The following PRICKLE2 variants were observed in gnomAD, a reference collection of about 807,000 sequenced individuals.
The protein encoded by PRICKLE2 is prickle planar cell polarity protein 2.
A neutral mutation model predicts 81.4 loss-of-function variants in PRICKLE2; 21 were observed. The observed-to-expected ratio is 0.26, with a 90% CI of 0.18 to 0.37. The LOEUF (loss-of-function observed/expected upper bound fraction) is 0.37. PRICKLE2 is among the 10% of genes least tolerant of loss of function. The pLI, the probability that PRICKLE2 is intolerant of heterozygous loss-of-function variation, is 1.00. For synonymous variants in PRICKLE2, 456 were observed against 421.5 expected (o/e 1.08, Z -1.00); for missense variants, 940 against 1,109.0 (o/e 0.85, Z 2.16).
At chr3:64,155,518 C>T (rs2077620584) in intron 5 of PRICKLE2, among the ~76,000 whole-genome samples, 1 of 151,998 alleles carries the variant, frequency 6.6e-6, no homozygotes, top group Non-Finnish European at 1.5e-5. Flanking sequence ...ATCATATGAC[C>T]CAGCAATTCC....
intron 7 of PRICKLE2, among the ~76,000 whole-genome samples, chr3:64,108,800 GA>G (rs1182383038): frequency 1.3e-5 from 2 of 152,262 alleles, no homozygotes; most frequent in African/African-American, 4.8e-5. Flanking sequence ...CACACTCTCA[GA>G]GACTCTAATT....
chr3:64,137,397 G>A (rs1452214674), intron 7 of PRICKLE2, among the ~76,000 whole-genome samples: 1 of 152,116 alleles, frequency 6.6e-6, no homozygotes, highest in East Asian at 1.9e-4. Flanking sequence ...CTCCACCCTG[G>A]ACGAATTTTC....
At chr3:64,225,494 C>G, upstream of PRICKLE2, 1 of 980,094 alleles carries the variant, frequency 1.0e-6, no homozygotes, top group South Asian at 4.7e-5. Context: ...GCTAATGAAG[C>G]TGTGATGTCA....
At chr3:64,105,289 T>C (rs7644517) in intron 7 of PRICKLE2, among the ~76,000 whole-genome samples, 131,508 of 152,180 alleles carry the variant, frequency 0.86, 59,800 homozygotes, top group Non-Finnish European at 1. Context: ...TTTAAACTAC[T>C]CACCCTGACT....
At chr3:64,118,269 C>G (rs1180250548) in intron 7 of PRICKLE2, among the ~76,000 whole-genome samples, 1 of 152,144 alleles carries the variant, frequency 6.6e-6, no homozygotes, top group Non-Finnish European at 1.5e-5. Context: ...CAATATCATT[C>G]AGGACATGGG....
rs981280790 is a variant in PRICKLE2, at chr3:64,129,553, TA to T, written c.1660+17276del. The stretch of plus-strand genomic sequence containing the variant: ...TCATGTTTAGTTAAAAAAAGGGCAT[TA>T]AAAAAAACTTGAGAAACACCGGTCT... On this transcript the variant is annotated intron_variant, in intron 7 of 7. Coordinates refer to ENST00000638394, the MANE Select transcript of PRICKLE2 (RefSeq NM_198859.4). 2.3e-3 allele frequency among the ~76,000 whole-genome samples: 353 copies of T among 151,302 alleles called. 4 individuals carry two copies. The highest frequency in any genetic ancestry group is 1.1e-3 in the Non-Finnish European group (76 of 67,796).
At chr3:64,104,008 A>C (rs886365602) in intron 7 of PRICKLE2, among the ~76,000 whole-genome samples, 1 of 152,214 alleles carries the variant, frequency 6.6e-6, no homozygotes, top group Non-Finnish European at 1.5e-5. Context: ...ATAAATAAAA[A>C]ATAAAACAAT....
rs2107016352 is a variant in PRICKLE2 at position 64,147,665 on chromosome 3, G to A, written c.825C>T (p.His275=). 1.9e-6 allele frequency: 3 copies of A among 1,613,998 alleles called. No individual in the cohort carries two copies. Among genetic ancestry groups the A allele is most frequent in the Non-Finnish European group, 2.5e-6 (3 of 1,180,032 alleles). The part of the protein sequence containing the change: ...DQGQMTYDGQ[H]WHATETCFCC... ...AGAAACAGGTCTCAGTGGCATGCCAGTGTTGGCCATCATAGGTCATTTGAC... is the reference window on the plus strand; with the variant it reads ...AGAAACAGGTCTCAGTGGCATGCCAATGTTGGCCATCATAGGTCATTTGAC... The change falls in exon 7 of 8, where the codon CAC becomes CAT. Residue 275 remains histidine, a synonymous_variant. Coordinates refer to ENST00000638394, the MANE Select transcript of PRICKLE2 (RefSeq NM_198859.4). This position sits in a 1 kb window ranked among gnomAD's most constrained non-coding sequence, Gnocchi z 5.0.
At chr3:64,159,374 C>T (rs1186961286) in intron 4 of PRICKLE2, among the ~76,000 whole-genome samples, 3 of 152,232 alleles carry the variant, frequency 2.0e-5, no homozygotes, top group African/African-American at 4.8e-5. Context: ...ACTCCATTTT[C>T]TAAAGGTCTC....
intron 2 of PRICKLE2, among the ~76,000 whole-genome samples, chr3:64,252,394 C>A (rs1324253116): frequency 2.6e-5 from 4 of 152,186 alleles, no homozygotes; most frequent in Admixed American, 2.6e-4. Flanking sequence ...GAAGCACAAC[C>A]CCTCTACATC....
At chr3:64,114,060 C>A (rs2076894480) in intron 7 of PRICKLE2, among the ~76,000 whole-genome samples, 1 of 152,240 alleles carries the variant, frequency 6.6e-6, no homozygotes, top group Admixed American at 6.5e-5. Context: ...GGGCCCAATA[C>A]AAGTCCCCCA....
At chr3:64,194,463 T>C (rs887749988) in intron 2 of PRICKLE2, among the ~76,000 whole-genome samples, 2 of 152,160 alleles carry the variant, frequency 1.3e-5, no homozygotes, top group African/African-American at 4.8e-5. Flanking sequence ...TCTGGAGACA[T>C]GTTTGGTTAC....
At chr3:64,164,259 C>A (rs1484640057) in intron 2 of PRICKLE2, among the ~76,000 whole-genome samples, 1 of 152,180 alleles carries the variant, frequency 6.6e-6, no homozygotes, top group Non-Finnish European at 1.5e-5. Context: ...TGCCTGTAAT[C>A]CCAGCTACTC....
chr3:64,147,833 A>G lies in PRICKLE2; in HGVS notation c.788-131T>C, dbSNP rs2077482922. ...AGGATAAACTGTCAATAAATCAACAATCAGACCCTTATGTAAATGGTATTC... is the reference window on the plus strand; with the variant it reads ...AGGATAAACTGTCAATAAATCAACAGTCAGACCCTTATGTAAATGGTATTC... On this transcript the variant is annotated intron_variant, in intron 6 of 7. Coordinates refer to ENST00000638394, the MANE Select transcript of PRICKLE2 (RefSeq NM_198859.4). This position sits in a 1 kb window ranked among gnomAD's most constrained non-coding sequence, Gnocchi z 5.0. 2 of 929,400 alleles carry G rather than the reference A, an allele frequency of 2.2e-6. No individual in the cohort carries two copies. The highest frequency in any genetic ancestry group is 1.9e-5 in the Admixed American group (1 of 51,366). 57.6% of individuals were successfully genotyped at this position (929,400 alleles called of 1,614,324 possible).
At chr3:64,188,935 T>C (rs1035851030) in intron 2 of PRICKLE2, among the ~76,000 whole-genome samples, 1 of 152,216 alleles carries the variant, frequency 6.6e-6, no homozygotes, top group South Asian at 2.1e-4. Context: ...GCTTTGTTAA[T>C]AGACGTCGGT....
At position 64,218,921 on chromosome 3, in the gene PRICKLE2, C is replaced by T. The variant is rs914633588; in HGVS notation, c.-41+5989G>A. On this transcript the variant is annotated intron_variant, in intron 1 of 7. Transcript: ENST00000638394. Reference sequence around the variant, plus strand: ...AAACTTGAGAAGCCTTGGTCTCTAGCACTCTGTAGGATGCTTGCATACATA... The same window carrying T: ...AAACTTGAGAAGCCTTGGTCTCTAGTACTCTGTAGGATGCTTGCATACATA... Among the ~76,000 whole-genome samples, 16 of 152,174 alleles carry T rather than the reference C, an allele frequency of 1.1e-4. No homozygotes were observed. In the East Asian group the frequency reaches 2.1e-3, roughly 20 times the overall value.
At chr3:64,251,448 A>C (rs1575715759) in intron 2 of PRICKLE2, among the ~76,000 whole-genome samples, 2 of 152,330 alleles carry the variant, frequency 1.3e-5, no homozygotes, top group South Asian at 4.1e-4. Context: ...ACAGGGGGGC[A>C]AGAAATCCAA....
Position 64,099,457 on chromosome 3 carries a change from C to T in PRICKLE2, c.2129G>A (p.Arg710Gln), listed in dbSNP as rs772696632. The T allele has an allele frequency of 2.5e-6, 4 of 1,583,680 alleles. No individual in the cohort carries two copies. The highest frequency in any genetic ancestry group is 1.7e-5 in the Admixed American group (1 of 57,430). ...HLASEREAIS[R>Q]LKDRPPLRAR... ...TCTCAGAGGGGGCCTATCTTTTAAC[C>T]GGGAGATGGCCTCGCGTTCGCTGGC... The change falls in exon 8 of 8, where the codon CGG becomes CAG. Residue 710 changes from arginine to glutamine, a missense_variant. Physicochemically the swap from Arg to Gln is conservative, Grantham distance 43 (BLOSUM62 1). Transcript: ENST00000638394. The surrounding 1 kb of genome is among the most constrained non-coding windows in gnomAD (Gnocchi z 4.3).
intron 7 of PRICKLE2, among the ~76,000 whole-genome samples, chr3:64,123,779 A>ATG (rs781238306): frequency 6.6e-6 from 1 of 152,170 alleles, no homozygotes; most frequent in Non-Finnish European, 1.5e-5. Flanking sequence ...TAAATGTTGT[A>ATG]TGTGTGTGTG....
Sources: allele counts gnomAD v4.1 joint callset (sites outside exome capture counted in the v4.1 genomes callset), GRCh38; gene constraint gnomAD v4.1.1; non-coding constraint Gnocchi (gnomAD v3.1); transcripts MANE v1.5; gene names NCBI Gene and HGNC (gene_info 2026-07-23, HGNC 2026-07-21).